The following ENPP3 variants were observed in gnomAD, a reference collection of about 807,000 sequenced individuals.
ENPP3 encodes the protein ectonucleotide pyrophosphatase/phosphodiesterase 3, also known as ectonucleotide pyrophosphatase/phosphodiesterase family member 3.
Under a neutral mutation model 117.8 loss-of-function variants are expected in ENPP3, and 104 were observed. That is an observed-to-expected ratio of 0.88 (90% CI 0.75 to 1.04). The LOEUF is 1.04. Among genes scored for constraint, ENPP3 ranks in the 50% least tolerant of loss-of-function variants. The pLI, the probability that ENPP3 is intolerant of heterozygous loss-of-function variation, is 0.00. For synonymous variants in ENPP3, 380 were observed against 349.9 expected (o/e 1.09, Z -0.96); for missense variants, 1,026 against 1,051.9 (o/e 0.98, Z 0.34).
intron 3 of ENPP3, among the ~76,000 whole-genome samples, 192 bp downstream of exon 3, chr6:131,650,341 T>A (rs1408058951): frequency 6.6e-6 from 1 of 152,012 alleles, no homozygotes; most frequent in Non-Finnish European, 1.5e-5. Context: ...CACCTCAGCC[T>A]CCTGAGTAGC....
intron 18 of ENPP3, among the ~76,000 whole-genome samples, chr6:131,723,577 T>A (rs574500102): frequency 7.4e-4 from 113 of 152,284 alleles, no homozygotes; most frequent in Non-Finnish European, 7.1e-4. Context: ...ATTCAGAGTG[T>A]GGTCTCAGGA....
At chr6:131,733,532 G>A in intron 20 of ENPP3, 56 bp from the exon 21 acceptor site, 2 of 1,580,710 alleles carry the variant, frequency 1.3e-6, no homozygotes, top group Admixed American at 3.5e-5. Flanking sequence ...AACCATATAA[G>A]GCAATGGGTG....
Position 131,726,050 on chromosome 6 carries a change from A to T in ENPP3, c.1803A>T (p.Thr601=). The stretch of plus-strand genomic sequence containing the variant: ...TTTATGTTATTTTAATTTTAGTAAC[A>T]GCAACAGTGAAAGTAAATTTGCCAT... ...QMLNLTQEEI[T]ATVKVNLPFG... is the part of the protein sequence containing the mutation. Residue 601 remains threonine, a synonymous_variant, in exon 20 of 25, where the codon ACA becomes ACT. Transcript: ENST00000357639. 6.2e-7 allele frequency: 1 copy of T among 1,607,824 alleles called. No homozygotes were observed. Among genetic ancestry groups the T allele is most frequent in the East Asian group, 2.2e-5 (1 of 44,838 alleles).
chr6:131,718,507 G>T (rs2114522117), intron 15 of ENPP3, among the ~76,000 whole-genome samples, 165 bp from the exon 16 acceptor site: 1 of 151,554 alleles, frequency 6.6e-6, no homozygotes, highest in South Asian at 2.1e-4. Flanking sequence ...ATTCATTATT[G>T]ATATAAAAAT....
At chr6:131,721,039 C>T (rs753447368) in intron 17 of ENPP3, among the ~76,000 whole-genome samples, 1 of 152,114 alleles carries the variant, frequency 6.6e-6, no homozygotes, top group South Asian at 2.1e-4. Flanking sequence ...CTTGTAATTA[C>T]AGAGAGAAGC....
Position 131,647,976 on chromosome 6 carries a change from CT to C in ENPP3, c.155-2047del, listed in dbSNP as rs542974949. 5.3e-5 allele frequency among the ~76,000 whole-genome samples: 8 copies of C among 151,846 alleles called. No homozygotes were observed. In the South Asian group the frequency reaches 1.5e-3, roughly 28 times the overall value. ...TTTGTATTTGTGTTTTCATGTACTCCTTTTGCCTTTCTGTCTTTCTTTATCT... is the reference window on the plus strand; with the variant it reads ...TTTGTATTTGTGTTTTCATGTACTCCTTTGCCTTTCTGTCTTTCTTTATCT... On this transcript the variant is annotated intron_variant, in intron 2 of 24. Coordinates refer to ENST00000357639, the MANE Select transcript of ENPP3 (RefSeq NM_005021.5).
At chr6:131,736,113 G>C (rs1469591647) in intron 21 of ENPP3, among the ~76,000 whole-genome samples, 1 of 152,230 alleles carries the variant, frequency 6.6e-6, no homozygotes, top group Non-Finnish European at 1.5e-5. Flanking sequence ...CACTTTGCCC[G>C]AGGAGTGCAG....
chr6:131,733,403 C>T (rs1054128848), intron 20 of ENPP3, among the ~76,000 whole-genome samples, 185 bp from the exon 21 acceptor site: 1 of 152,112 alleles, frequency 6.6e-6, no homozygotes, highest in Non-Finnish European at 1.5e-5. Context: ...ATGTCCTTAA[C>T]CAGAAGGGAA....
rs775159138 is a variant in ENPP3 at position 131,685,380 on chromosome 6, T to C, written c.1137T>C (p.Tyr379=). 3.7e-6 allele frequency: 6 copies of C among 1,612,018 alleles called. No homozygotes were observed. In the Middle Eastern group the frequency reaches 9.9e-4, roughly 266 times the overall value. The change falls in exon 13 of 25, where the codon TAT becomes TAC. Residue 379 remains tyrosine (Y), a synonymous_variant. Coordinates refer to ENST00000357639, the MANE Select transcript of ENPP3 (RefSeq NM_005021.5). ...TTTATTCAGGAATGGACCAGACTTA[T>C]TGTAACAAGATGGAATACATGACTG... is the stretch of plus-strand genomic sequence containing the variant. ...LLADHGMDQT[Y]CNKMEYMTDY...
At chr6:131,677,809 T>C (rs576790908) in intron 10 of ENPP3, 59 bp from the exon 11 acceptor site, 2 of 1,128,288 alleles carry the variant, frequency 1.8e-6, no homozygotes, top group East Asian at 2.4e-5. Flanking sequence ...AATCCCCCAA[T>C]CCAGCCTGTA....
chr6:131,731,920 G>A (rs1277518221), intron 20 of ENPP3, among the ~76,000 whole-genome samples: 1 of 152,152 alleles, frequency 6.6e-6, no homozygotes, highest in African/African-American at 2.4e-5. Context: ...TTTCTAGCTG[G>A]AGCTTTGTAG....
chr6:131,644,091 G>C (rs1778109173), intron 2 of ENPP3, among the ~76,000 whole-genome samples: 1 of 152,092 alleles, frequency 6.6e-6, no homozygotes, highest in Non-Finnish European at 1.5e-5. Context: ...ACCTTGCCTG[G>C]CATGTTCCAT....
chr6:131,657,448 A>G (rs547887902), intron 5 of ENPP3, among the ~76,000 whole-genome samples: 3 of 152,322 alleles, frequency 2.0e-5, no homozygotes, highest in South Asian at 4.1e-4. Flanking sequence ...CGGAAACCTA[A>G]TAACTTTCCA....
In ENPP3 at chr6:131,661,716, G is replaced by T. The variant is rs1778504280; in HGVS notation, c.562+3296G>T. 1.3e-5 allele frequency among the ~76,000 whole-genome samples: 2 copies of T among 152,062 alleles called. 1 individual carries two copies. Among genetic ancestry groups the T allele is most frequent in the South Asian group, 4.1e-4 (2 of 4,826 alleles). On this transcript the variant is annotated intron_variant, in intron 6 of 24. Transcript: ENST00000357639. ...TCTTCTTTGAAGAAATATCTATTTA[G>T]GTCATTAGCTCATTTTTTAATGAGA...
chr6:131,738,549 G>C (rs1381329734), intron 23 of ENPP3, among the ~76,000 whole-genome samples: 1 of 150,822 alleles, frequency 6.6e-6, no homozygotes, highest in Non-Finnish European at 1.5e-5. Context: ...TACAAGAATA[G>C]TGAAAAGTCA....
At chr6:131,664,150 C>T (rs1418037334) in intron 6 of ENPP3, among the ~76,000 whole-genome samples, 4 of 152,108 alleles carry the variant, frequency 2.6e-5, no homozygotes, top group African/African-American at 9.7e-5. Context: ...GTACTGTTAT[C>T]ATAGAAGATG....
chr6:131,743,501 T>C (rs1450925018), intron 24 of ENPP3, among the ~76,000 whole-genome samples: 1 of 152,052 alleles, frequency 6.6e-6, no homozygotes, highest in African/African-American at 2.4e-5. Context: ...TGGTGGCTAT[T>C]ATAAAGGAAT....
intron 16 of ENPP3, among the ~76,000 whole-genome samples, chr6:131,719,999 G>T (rs868132707): frequency 6.6e-6 from 1 of 152,132 alleles, no homozygotes; most frequent in African/African-American, 2.4e-5. Flanking sequence ...GCAGAATTAT[G>T]CTGATATTGG....
At chr6:131,678,725 G>A (rs1158439615) in intron 11 of ENPP3, among the ~76,000 whole-genome samples, 1 of 152,014 alleles carries the variant, frequency 6.6e-6, no homozygotes, top group Non-Finnish European at 1.5e-5. Flanking sequence ...CTTCCTATTA[G>A]GCCAAAATGA....
Sources: gnomAD v4.1 joint callset for allele counts (sites outside exome capture counted in the v4.1 genomes callset) on GRCh38, gnomAD v4.1.1 for gene constraint, MANE v1.5 for transcripts, NCBI Gene and HGNC (gene_info 2026-07-23, HGNC 2026-07-21) for gene names.